Variants in CSMD3 observed in about 807,000 individuals in gnomAD.
The protein encoded by CSMD3 is CUB and Sushi multiple domains 3, also known as CUB and sushi domain-containing protein 3.
CSMD3 carries 177 observed loss-of-function variants against 435.2 expected under a neutral mutation model. The observed-to-expected ratio is 0.41, with a 90% CI of 0.36 to 0.46. CSMD3 has a LOEUF of 0.46. CSMD3 is among the 20% of genes least tolerant of loss of function. CSMD3 has a pLI of 0.34. For synonymous variants in CSMD3, 1,656 were observed against 1,520.5 expected (o/e 1.09, Z -2.07); for missense variants, 4,265 against 4,504.6 (o/e 0.95, Z 1.52).
At position 113,098,976 on chromosome 8, in the gene CSMD3, A is replaced by T. The variant is rs2131548066; in HGVS notation, c.710-13T>A. On this transcript the variant is annotated splice_polypyrimidine_tract_variant and intron_variant, in intron 4 of 70. Coordinates refer to ENST00000297405, the MANE Select transcript of CSMD3 (RefSeq NM_198123.2). ...CAAGCATCTTCAGCTGTTAAAAATG[A>T]CAAAATATTCAGTTGTAAGTTATTG... The T allele has an allele frequency of 6.5e-7, 1 of 1,547,950 alleles. No individual in the cohort carries two copies. The highest frequency in any genetic ancestry group is 8.9e-7 in the Non-Finnish European group (1 of 1,120,538).
chr8:113,037,892 G>C (rs1038783149), intron 5 of CSMD3, among the ~76,000 whole-genome samples: 34 of 152,240 alleles, frequency 2.2e-4, no homozygotes, highest in African/African-American at 7.9e-4. Context: ...ATAATAAAGG[G>C]GTTATTTATA....
At chr8:113,161,035 C>T (rs909020694) in intron 4 of CSMD3, among the ~76,000 whole-genome samples, 1 of 152,036 alleles carries the variant, frequency 6.6e-6, no homozygotes, top group African/African-American at 2.4e-5. Flanking sequence ...CCAACTGCAG[C>T]ATGTTTCTAA....
rs1013228348 is a variant in CSMD3 at position 113,095,118 on chromosome 8, T to G, written c.917+3638A>C. On this transcript the variant is annotated intron_variant, in intron 5 of 70. Transcript: ENST00000297405. ...ACCCCAAAACTACGTGCATCTATTATGTAAAATTCCCTGAACAATTTATTC... is the reference window on the plus strand; with the variant it reads ...ACCCCAAAACTACGTGCATCTATTAGGTAAAATTCCCTGAACAATTTATTC... Among the ~76,000 whole-genome samples, 6 of 152,112 alleles carry G rather than the reference T, an allele frequency of 3.9e-5. No homozygotes were observed. In the East Asian group the frequency reaches 1.2e-3, roughly 29 times the overall value.
At chr8:112,663,627 A>T (rs1392244980) in intron 17 of CSMD3, among the ~76,000 whole-genome samples, 2 of 151,454 alleles carry the variant, frequency 1.3e-5, no homozygotes, top group Non-Finnish European at 2.9e-5. Context: ...CCTAAAACTT[A>T]AAGTATAATA....
chr8:113,022,653 G>A (rs1446662995), intron 5 of CSMD3, among the ~76,000 whole-genome samples: 2 of 151,438 alleles, frequency 1.3e-5, no homozygotes, highest in Non-Finnish European at 3.0e-5. Context: ...ACCACTAAAG[G>A]GGATTTAGGA....
chr8:112,377,897 A>G (rs1829099996), intron 38 of CSMD3, among the ~76,000 whole-genome samples: 1 of 152,024 alleles, frequency 6.6e-6, no homozygotes, highest in African/African-American at 2.4e-5. Flanking sequence ...CATCATACTC[A>G]ATGGTAAAAA....
intron 5 of CSMD3, among the ~76,000 whole-genome samples, chr8:113,089,198 C>T (rs2131500053): frequency 6.6e-6 from 1 of 152,258 alleles, no homozygotes; most frequent in African/African-American, 2.4e-5. Context: ...ACATAATTTT[C>T]ATTCAACATC....
At chr8:113,245,352 T>G (rs565756030) in intron 3 of CSMD3, among the ~76,000 whole-genome samples, 1 of 152,128 alleles carries the variant, frequency 6.6e-6, no homozygotes, top group Admixed American at 6.5e-5. Context: ...TCCACTACTG[T>G]TTTGTATTGT....
At chr8:112,685,782 T>C in intron 14 of CSMD3, 50 bp from the exon 15 acceptor site, 1 of 1,131,518 alleles carries the variant, frequency 8.8e-7, no homozygotes, top group Non-Finnish European at 1.3e-6. Context: ...AAAAATAATA[T>C]TTCATCTTAT....
At chr8:112,309,570 G>A (rs1821761883) in intron 50 of CSMD3, among the ~76,000 whole-genome samples, 1 of 151,846 alleles carries the variant, frequency 6.6e-6, no homozygotes, top group African/African-American at 2.4e-5. Flanking sequence ...GCTATTCATT[G>A]GTCGAAGGAA....
At chr8:112,818,289 G>A in intron 12 of CSMD3, among the ~76,000 whole-genome samples, 1 of 152,046 alleles carries the variant, frequency 6.6e-6, no homozygotes, top group Non-Finnish European at 1.5e-5. Flanking sequence ...AAAATAATTA[G>A]AACATAAAAA....
intron 4 of CSMD3, among the ~76,000 whole-genome samples, chr8:113,153,981 A>T (rs760060957): frequency 6.6e-6 from 1 of 152,066 alleles, no homozygotes; most frequent in Admixed American, 6.6e-5. Context: ...TCTGAAATAG[A>T]TATCAATTTC....
intron 38 of CSMD3, among the ~76,000 whole-genome samples, chr8:112,377,419 C>T (rs890562305): frequency 7.2e-5 from 11 of 152,076 alleles, no homozygotes; most frequent in Non-Finnish European, 1.3e-4. Context: ...TTCTACCTTA[C>T]ACTTAAAGAA....
intron 1 of CSMD3, among the ~76,000 whole-genome samples, chr8:113,383,837 G>C (rs2094427979): frequency 6.6e-6 from 1 of 151,896 alleles, no homozygotes. Context: ...TCCAACTCTG[G>C]TTTCCTTTAT....
chr8:113,284,907 G>A (rs921645271), intron 2 of CSMD3, among the ~76,000 whole-genome samples: 9 of 152,042 alleles, frequency 5.9e-5, no homozygotes, highest in African/African-American at 1.9e-4. Context: ...TATTTTCTTT[G>A]ACTCACAGTT....
chr8:112,887,739 CAA>C (rs5894115), intron 10 of CSMD3, among the ~76,000 whole-genome samples: 1 of 145,780 alleles, frequency 6.9e-6, no homozygotes, highest in Admixed American at 6.8e-5. Flanking sequence ...AGTCTTTATG[CAA>C]AAAAAAAAAA....
chr8:112,543,712 A>C (rs1333952215), intron 27 of CSMD3, among the ~76,000 whole-genome samples: 1 of 152,182 alleles, frequency 6.6e-6, no homozygotes, highest in Non-Finnish European at 1.5e-5. Flanking sequence ...TTACGATCCA[A>C]CAATCCCATT....
At chr8:112,665,263 C>T (rs948302808) in intron 17 of CSMD3, among the ~76,000 whole-genome samples, 1 of 152,132 alleles carries the variant, frequency 6.6e-6, no homozygotes, top group African/African-American at 2.4e-5. Context: ...TTCATATTTA[C>T]TGATTCAAGG....
chr8:113,204,174 CT>C (rs2092745202), intron 3 of CSMD3, among the ~76,000 whole-genome samples: 1 of 152,072 alleles, frequency 6.6e-6, no homozygotes, highest in Admixed American at 6.6e-5. Flanking sequence ...CTGCCCCAAG[CT>C]TTTCCAGTTT....
Sources: allele counts gnomAD v4.1 joint callset (sites outside exome capture counted in the v4.1 genomes callset), GRCh38; gene constraint gnomAD v4.1.1; transcripts MANE v1.5; gene names NCBI Gene and HGNC (gene_info 2026-07-23, HGNC 2026-07-21).